The following GCA variants were observed in gnomAD, a reference collection of about 807,000 sequenced individuals.
The protein encoded by GCA is grancalcin, EF-hand calcium-binding protein.
GCA carries 30 observed loss-of-function variants against 32.6 expected under a neutral mutation model. The ratio of observed to expected loss-of-function variants is 0.92; its 90% CI spans 0.69 to 1.25. The LOEUF is 1.25. Among genes scored for constraint, GCA ranks in the 50% most tolerant of loss-of-function variants. The pLI is 0.00. For missense variants in GCA, 291 were observed against 266.8 expected, an observed-to-expected ratio of 1.09 and a Z score of -0.63; for synonymous variants, 102 against 84.6, an observed-to-expected ratio of 1.21 and a Z score of -1.13.
At position 162,362,510 on chromosome 2, in the gene GCA, C is replaced by G; in HGVS notation, c.*2267C>G. 1 of 969,072 alleles carries G rather than the reference C, an allele frequency of 1.0e-6. No individual in the cohort carries two copies. Among genetic ancestry groups the G allele is most frequent in the African/African-American group, 1.8e-5 (1 of 56,958 alleles). 60.0% of individuals were successfully genotyped at this position (969,072 alleles called of 1,614,324 possible). On this transcript the variant is annotated 3_prime_UTR_variant, in exon 8 of 8. Coordinates refer to ENST00000437150, the MANE Select transcript of GCA (RefSeq NM_012198.5). ...GCACTGGTTAACTTACACCCCAGTT[C>G]TTTTACGATGATGTAAATTATTGAA...
intron 1 of GCA, among the ~76,000 whole-genome samples, chr2:162,329,267 A>G (rs1683992790): frequency 6.6e-6 from 1 of 152,032 alleles, no homozygotes; most frequent in African/African-American, 2.4e-5. Context: ...ATTTAAAGGG[A>G]CCAGATTCTT....
intron 4 of GCA, among the ~76,000 whole-genome samples, chr2:162,371,002 T>A (rs1685915622): frequency 6.6e-6 from 1 of 152,018 alleles, no homozygotes; most frequent in Non-Finnish European, 1.5e-5. Context: ...AGGATTGCTT[T>A]AAAATGTGAA....
At position 162,356,768 on chromosome 2, in the gene GCA, C is replaced by A. The variant is rs780108109; in HGVS notation, c.317C>A (p.Thr106Lys). ...IMIAMLDRDH[T>K]GKMGFNAFKE... ...TAATAAAACTATCAGAGAGATCACA[C>A]AGGAAAAATGGGATTTAATGCATTC... The change falls in exon 5 of 8, where the codon ACA (threonine) becomes AAA (lysine). Residue 106 changes from threonine (T) to lysine (K), a missense_variant. Thr to Lys is a moderately conservative substitution (Grantham distance 78). Coordinates refer to ENST00000437150, the MANE Select transcript of GCA (RefSeq NM_012198.5). 1.2e-6 allele frequency: 2 copies of A among 1,604,110 alleles called. No homozygotes were observed. Among genetic ancestry groups the A allele is most frequent in the Non-Finnish European group, 1.7e-6 (2 of 1,173,788 alleles).
chr2:162,367,069 T>C (rs1016089196), downstream of GCA, among the ~76,000 whole-genome samples: 4 of 151,948 alleles, frequency 2.6e-5, no homozygotes, highest in Non-Finnish European at 5.9e-5. Flanking sequence ...TTTCTACTTA[T>C]ATTTTCAGAG....
chr2:162,370,761 G>A (rs555015201), intron 4 of GCA, among the ~76,000 whole-genome samples: 2 of 151,988 alleles, frequency 1.3e-5, no homozygotes, highest in East Asian at 1.9e-4. Context: ...AAACTGTGTC[G>A]ACTATTTTTT....
intron 1 of GCA, among the ~76,000 whole-genome samples, chr2:162,345,093 A>ATTGG (rs1553464741): frequency 9.1e-6 from 1 of 109,346 alleles, no homozygotes; most frequent in Non-Finnish European, 1.9e-5. Flanking sequence ...CTTGGAGTTC[A>ATTGG]TGGTGGTGGT....
chr2:162,363,178 G>C (rs1685648086), downstream of GCA, among the ~76,000 whole-genome samples: 1 of 151,202 alleles, frequency 6.6e-6, no homozygotes, highest in African/African-American at 2.4e-5. Flanking sequence ...GTTTTCTTCT[G>C]CTTTTCTAGT....
chr2:162,352,261 C>G, intron 2 of GCA, 77 bp from the exon 3 acceptor site: 1 of 867,298 alleles, frequency 1.2e-6, no homozygotes, highest in Non-Finnish European at 2.0e-6. Context: ...CTTGATTGGC[C>G]TAGAACAGTC....
At chr2:162,345,691 A>C (rs1417896550) in intron 1 of GCA, among the ~76,000 whole-genome samples, 1 of 152,238 alleles carries the variant, frequency 6.6e-6, no homozygotes, top group African/African-American at 2.4e-5. Context: ...TAATCGCCGG[A>C]AAGAGAAGTA....
intron 3 of GCA, among the ~76,000 whole-genome samples, chr2:162,354,320 G>T (rs1685149957): frequency 6.6e-6 from 1 of 152,136 alleles, no homozygotes; most frequent in African/African-American, 2.4e-5. Context: ...TTCCCTTTTG[G>T]ACTGGGTTTT....
intron 2 of GCA, among the ~76,000 whole-genome samples, chr2:162,350,252 C>G (rs1335102106): frequency 6.6e-6 from 1 of 152,150 alleles, no homozygotes; most frequent in Non-Finnish European, 1.5e-5. Flanking sequence ...TTCTTCCTGC[C>G]TGGAAAGGGG....
At chr2:162,349,504 T>A (rs1453840988) in intron 2 of GCA, among the ~76,000 whole-genome samples, 1 of 152,212 alleles carries the variant, frequency 6.6e-6, no homozygotes, top group Non-Finnish European at 1.5e-5. Context: ...TGGGAACATC[T>A]TTTTAAGATG....
In GCA at chr2:162,327,944, C is replaced by T. The variant is rs924918698; in HGVS notation, c.-31+8719C>T. ...ACCTGTAATTCCAATGAGAGGGGAC[C>T]GCGTGCTGGCAGTCCTCACAGCCCT... On this transcript the variant is annotated intron_variant, in intron 1 of 4. Coordinates refer to the GCA transcript ENST00000429691. Among the ~76,000 whole-genome samples, 9 of 152,194 alleles carry T rather than the reference C, an allele frequency of 5.9e-5. No homozygotes were observed. In the East Asian group the frequency reaches 1.5e-3, roughly 26 times the overall value.
At chr2:162,354,776 T>G (rs1685180378) in intron 3 of GCA, among the ~76,000 whole-genome samples, 1 of 152,176 alleles carries the variant, frequency 6.6e-6, no homozygotes, top group South Asian at 2.1e-4. Flanking sequence ...TTACTTTGTT[T>G]CCTGTCTAAT....
At chr2:162,374,200 G>T (rs1346846315), downstream of GCA, among the ~76,000 whole-genome samples, 1 of 152,014 alleles carries the variant, frequency 6.6e-6, no homozygotes, top group African/African-American at 2.4e-5. Flanking sequence ...AATGTTTAAT[G>T]CTGTTAAATG....
intron 3 of GCA, among the ~76,000 whole-genome samples, chr2:162,356,216 C>T (rs139672179): frequency 2.7e-4 from 41 of 152,102 alleles, no homozygotes; most frequent in African/African-American, 9.4e-4. Flanking sequence ...TTTGTAATTG[C>T]TCATTTAATT....
chr2:162,337,989 A>G (rs1306752597), intron 1 of GCA, among the ~76,000 whole-genome samples: 2 of 152,122 alleles, frequency 1.3e-5, no homozygotes, highest in Non-Finnish European at 2.9e-5. Flanking sequence ...TAATCAGTTC[A>G]TGTTTTATTT....
At chr2:162,341,719 T>G (rs903183629), upstream of GCA, among the ~76,000 whole-genome samples, 4 of 152,240 alleles carry the variant, frequency 2.6e-5, no homozygotes, top group Admixed American at 1.3e-4. Flanking sequence ...AATTTTATTA[T>G]ATTCTGAAAT....
chr2:162,324,392 C>A (rs763543321), intron 1 of GCA, among the ~76,000 whole-genome samples: 60 of 152,196 alleles, frequency 3.9e-4, no homozygotes, highest in Non-Finnish European at 7.6e-4. Context: ...GGCCACTCAG[C>A]GGCCTGGGCT....
Sources: gnomAD v4.1 joint callset for allele counts (sites outside exome capture counted in the v4.1 genomes callset) on GRCh38, gnomAD v4.1.1 for gene constraint, MANE v1.5 for transcripts, NCBI Gene and HGNC (gene_info 2026-07-23, HGNC 2026-07-21) for gene names.